NFIB: variants seen among roughly 807,000 people sequenced by gnomAD.
NFIB encodes the protein nuclear factor 1 B-type.
Under a neutral mutation model 61.5 loss-of-function variants are expected in NFIB, and 11 were observed. The ratio of observed to expected loss-of-function variants is 0.18; its 90% CI spans 0.11 to 0.30. The LOEUF is 0.30. Among genes scored for constraint, NFIB ranks in the 10% least tolerant of loss-of-function variants. The pLI, the probability that NFIB is intolerant of heterozygous loss-of-function variation, is 1.00. For synonymous variants in NFIB, 260 were observed against 216.5 expected (o/e 1.20, Z -1.76); for missense variants, 471 against 608.9 (o/e 0.77, Z 2.38).
intron 2 of NFIB, among the ~76,000 whole-genome samples, chr9:14,235,738 G>A (rs558674220): frequency 5.9e-5 from 9 of 152,216 alleles, no homozygotes; most frequent in South Asian, 2.1e-4. Context: ...TTTGAGGCTC[G>A]TCCAGAAGCA....
the NFIB span, among the ~76,000 whole-genome samples, chr9:14,460,313 A>G: frequency 6.6e-6 from 1 of 151,558 alleles, no homozygotes; most frequent in East Asian, 2.0e-4. Context: ...GTGGGAATTG[A>G]ACAATGAGAA....
At chr9:14,246,061 T>G (rs549589243) in intron 2 of NFIB, among the ~76,000 whole-genome samples, 9 of 151,698 alleles carry the variant, frequency 5.9e-5, no homozygotes, top group African/African-American at 2.2e-4. Context: ...TGTGTGGTTT[T>G]CCTCTCTAAT....
At chr9:14,371,673 C>T (rs2061360023) in intron 1 of NFIB, among the ~76,000 whole-genome samples, 1 of 152,092 alleles carries the variant, frequency 6.6e-6, no homozygotes, top group African/African-American at 2.4e-5. Flanking sequence ...TTTTACTTTC[C>T]CTTGAGAAAT....
intron 1 of NFIB, among the ~76,000 whole-genome samples, chr9:14,327,386 T>C (rs183124337): frequency 8.5e-5 from 13 of 152,326 alleles, no homozygotes; most frequent in African/African-American, 2.4e-4. Flanking sequence ...TTAAAGAAGA[T>C]CAATAACTAT....
the NFIB span, among the ~76,000 whole-genome samples, chr9:14,433,416 G>A: frequency 6.6e-6 from 1 of 152,100 alleles, no homozygotes; most frequent in Non-Finnish European, 1.5e-5. Flanking sequence ...AATGATGCAG[G>A]AAAGTTAAAT....
chr9:14,184,099 T>TG (rs2047090722), intron 2 of NFIB, among the ~76,000 whole-genome samples: 1 of 2,890 alleles, frequency 3.5e-4, no homozygotes, highest in Admixed American at 0.024. Flanking sequence ...ATATCTAAGC[T>TG]TACCTAAGGA....
the NFIB span, among the ~76,000 whole-genome samples, chr9:14,459,127 T>C: frequency 6.6e-6 from 1 of 151,712 alleles, no homozygotes; most frequent in Non-Finnish European, 1.5e-5. Flanking sequence ...TACTACAAGG[T>C]TACAGTAATC....
At chr9:14,390,821 C>G (rs1286398974) in intron 1 of NFIB, among the ~76,000 whole-genome samples, 1 of 152,226 alleles carries the variant, frequency 6.6e-6, no homozygotes, top group Non-Finnish European at 1.5e-5. Flanking sequence ...TGATCTGGGG[C>G]TTCCTGGCCT....
chr9:14,528,897 T>C, the NFIB span, among the ~76,000 whole-genome samples: 1 of 152,160 alleles, frequency 6.6e-6, no homozygotes, highest in South Asian at 2.1e-4. Context: ...TTTAATACAT[T>C]CCAAGTGGTA....
At chr9:14,452,694 C>A in the NFIB span, among the ~76,000 whole-genome samples, 1 of 152,116 alleles carries the variant, frequency 6.6e-6, no homozygotes, top group African/African-American at 2.4e-5. Context: ...GAAGAGGAGT[C>A]CCAACTTGGT....
At chr9:14,228,580 C>T (rs144923913) in intron 2 of NFIB, among the ~76,000 whole-genome samples, 2 of 152,278 alleles carry the variant, frequency 1.3e-5, no homozygotes, top group East Asian at 3.9e-4. Flanking sequence ...AAACAGTAAA[C>T]ATTTAATTGT....
Position 14,314,111 on chromosome 9 carries a change from T to G in NFIB, c.-600A>C. 3 of 998,572 alleles carry G rather than the reference T, an allele frequency of 3.0e-6. No individual in the cohort carries two copies. The highest frequency in any genetic ancestry group is 3.6e-6 in the Non-Finnish European group (3 of 841,198). The allele number at this position is 998,572 out of a possible 1,614,324, so 61.9% of individuals were successfully genotyped here. A position where few individuals can be genotyped will look rare whatever the true frequency, so the allele number is the denominator to read the frequency against. On this transcript the variant is annotated 5_prime_UTR_variant, in exon 1 of 11. Coordinates refer to ENST00000380953, the MANE Select transcript of NFIB (RefSeq NM_001190737.2). ...GAAACTTTGCCGCGAGCCGACCATG[T>G]GTGTGCGCGAGGGGCAGCGTGAGCG... is the stretch of plus-strand genomic sequence containing the variant.
chr9:14,141,902 C>CAAAAAAAAAAA (rs1207435536), intron 6 of NFIB, among the ~76,000 whole-genome samples: 36 of 53,572 alleles, frequency 6.7e-4, no homozygotes, highest in African/African-American at 2.2e-3. Flanking sequence ...CTGCTGCTCA[C>CAAAAAAAAAAA]AAAAAAAAAA....
chr9:14,231,134 AAATATATATATATATAT>A (rs1454368884), intron 2 of NFIB, among the ~76,000 whole-genome samples: 18 of 73,996 alleles, frequency 2.4e-4, no homozygotes, highest in Admixed American at 3.4e-4. Flanking sequence ...AAAAAAAAAA[AAATATATATATATATAT>A]ATATATATAT....
intron 1 of NFIB, among the ~76,000 whole-genome samples, chr9:14,373,301 A>G (rs573240141): frequency 6.6e-6 from 1 of 152,336 alleles, no homozygotes; most frequent in Non-Finnish European, 1.5e-5. Context: ...AGCATTTATG[A>G]GAACTTACCT....
At chr9:14,296,362 C>G (rs1309985505) in intron 2 of NFIB, among the ~76,000 whole-genome samples, 1 of 152,184 alleles carries the variant, frequency 6.6e-6, no homozygotes, top group African/African-American at 2.4e-5. Flanking sequence ...GTGACTTGAC[C>G]AAGGTCACAA....
intron 3 of NFIB, among the ~76,000 whole-genome samples, chr9:14,159,855 G>A (rs1421271548): frequency 6.6e-6 from 1 of 152,170 alleles, no homozygotes; most frequent in East Asian, 1.9e-4. Flanking sequence ...AACCTCCAAG[G>A]TCCTTGGGCC....
In NFIB at chr9:14,087,277, CTTGAT is replaced by C. The variant is rs1374101680; in HGVS notation, c.*1027_*1031del. On this transcript the variant is annotated 3_prime_UTR_variant, in exon 11 of 11. Coordinates refer to ENST00000380953, the MANE Select transcript of NFIB (RefSeq NM_001190737.2). ...TATTTTTCTCAAGCACATGATTTGTCTTGATTTAATGCCTTTTTAATGCCCTCAAA... is the reference window on the plus strand; with the variant it reads ...TATTTTTCTCAAGCACATGATTTGTCTTAATGCCTTTTTAATGCCCTCAAA... 1 of 204,950 alleles carries C rather than the reference CTTGAT, an allele frequency of 4.9e-6. No individual in the cohort carries two copies. Among genetic ancestry groups the C allele is most frequent in the Non-Finnish European group, 1.0e-5 (1 of 99,956 alleles). 12.7% of individuals were successfully genotyped at this position (204,950 alleles called of 1,614,324 possible).
the NFIB span, among the ~76,000 whole-genome samples, chr9:14,440,453 A>C: frequency 2.0e-5 from 3 of 152,134 alleles, no homozygotes; most frequent in Admixed American, 6.5e-5. Context: ...TCTGAAGTAC[A>C]TTTCACAAAT....
Sources: allele counts gnomAD v4.1 joint callset (sites outside exome capture counted in the v4.1 genomes callset), GRCh38; gene constraint gnomAD v4.1.1; transcripts MANE v1.5; gene names NCBI Gene and HGNC (gene_info 2026-07-23, HGNC 2026-07-21).